CDC42EP3: variants seen among roughly 807,000 people sequenced by gnomAD.
CDC42EP3 encodes the protein CDC42 effector protein (Rho GTPase binding) 3.
In CDC42EP3, 4 loss-of-function variants were observed where a neutral mutation model predicts 15.5. The observed-to-expected ratio is 0.26, with a 90% CI of 0.13 to 0.59. CDC42EP3 has a LOEUF of 0.59. Ranked by LOEUF, CDC42EP3 falls within the 20% of genes least tolerant of loss-of-function variation. The pLI is 0.89. For missense variants in CDC42EP3, 309 were observed against 311.2 expected (o/e 0.99, Z 0.05); for synonymous variants, 145 against 130.3 (o/e 1.11, Z -0.77).
intron 1 of CDC42EP3, among the ~76,000 whole-genome samples, chr2:37,663,034 G>T (rs1415352822): frequency 6.6e-6 from 1 of 152,150 alleles, no homozygotes. Context: ...GTGTGGTGGC[G>T]GGTGCCTGTA....
At chr2:37,654,088 G>C (rs1002061262) in intron 1 of CDC42EP3, among the ~76,000 whole-genome samples, 1 of 152,146 alleles carries the variant, frequency 6.6e-6, no homozygotes, top group Non-Finnish European at 1.5e-5. Context: ...CTGCATGTTG[G>C]AACCAACAGT....
chr2:37,647,690 C>A (rs573600747), intron 1 of CDC42EP3: 1 of 152,612 alleles, frequency 6.6e-6, no homozygotes, highest in African/African-American at 2.4e-5. Flanking sequence ...TGAGTAGAAC[C>A]TGTGACTGGC....
chr2:37,656,646 C>A (rs2124624680), intron 1 of CDC42EP3, among the ~76,000 whole-genome samples: 1 of 152,322 alleles, frequency 6.6e-6, no homozygotes, highest in African/African-American at 2.4e-5. Context: ...AGTCAATCAC[C>A]CAAAATGTGG....
chr2:37,667,032 C>G (rs961978150), intron 1 of CDC42EP3, among the ~76,000 whole-genome samples: 1 of 152,130 alleles, frequency 6.6e-6, no homozygotes, highest in Non-Finnish European at 1.5e-5. Context: ...CTGTTTCCAT[C>G]TGAGAAGTCT....
At chr2:37,648,967 G>A (rs774705678) in intron 1 of CDC42EP3, among the ~76,000 whole-genome samples, 1 of 151,994 alleles carries the variant, frequency 6.6e-6, no homozygotes, top group Non-Finnish European at 1.5e-5. Context: ...GCCATGGAAA[G>A]ATACAGCGTG....
At chr2:37,650,493 T>C (rs950988375) in intron 1 of CDC42EP3, among the ~76,000 whole-genome samples, 5 of 152,228 alleles carry the variant, frequency 3.3e-5, no homozygotes, top group African/African-American at 1.2e-4. Flanking sequence ...GGCTTCTCTA[T>C]GTACCGAGCA....
At chr2:37,668,478 C>T (rs77887044) in intron 1 of CDC42EP3, among the ~76,000 whole-genome samples, 1 of 152,152 alleles carries the variant, frequency 6.6e-6, no homozygotes, top group Non-Finnish European at 1.5e-5. Context: ...AGGTAACTTG[C>T]CCAAAGTCAC....
At chr2:37,662,462 G>A (rs1666087637) in intron 1 of CDC42EP3, among the ~76,000 whole-genome samples, 1 of 152,198 alleles carries the variant, frequency 6.6e-6, no homozygotes, top group Admixed American at 6.5e-5. Context: ...TAGACCTTGG[G>A]ATCTGGCCAC....
intron 1 of CDC42EP3, among the ~76,000 whole-genome samples, chr2:37,657,183 G>A (rs1312750402): frequency 6.6e-6 from 1 of 151,994 alleles, no homozygotes; most frequent in African/African-American, 2.4e-5. Context: ...CTGAAACTAA[G>A]AACCTTGTGT....
chr2:37,657,317 A>G (rs897847636), intron 1 of CDC42EP3, among the ~76,000 whole-genome samples: 1 of 152,118 alleles, frequency 6.6e-6, no homozygotes, highest in Non-Finnish European at 1.5e-5. Flanking sequence ...CACGTAATCC[A>G]ACCTTGCTAC....
At chr2:37,661,759 G>A (rs1012776218) in intron 1 of CDC42EP3, among the ~76,000 whole-genome samples, 2 of 151,982 alleles carry the variant, frequency 1.3e-5, no homozygotes, top group African/African-American at 2.4e-5. Flanking sequence ...TATGAGAGAA[G>A]AGAAAAAACA....
intron 1 of CDC42EP3, among the ~76,000 whole-genome samples, chr2:37,671,104 A>G (rs2124643011): frequency 6.6e-6 from 1 of 152,318 alleles, no homozygotes; most frequent in Non-Finnish European, 1.5e-5. Context: ...TTGTTCTCAG[A>G]TGGAAAAATG....
intron 1 of CDC42EP3, among the ~76,000 whole-genome samples, chr2:37,663,330 C>T (rs886074371): frequency 6.6e-6 from 1 of 152,198 alleles, no homozygotes; most frequent in Non-Finnish European, 1.5e-5. Context: ...CAATGATGCA[C>T]TCCACTGTGG....
At chr2:37,649,076 T>TAAA (rs112109458) in intron 1 of CDC42EP3, among the ~76,000 whole-genome samples, 6 of 135,902 alleles carry the variant, frequency 4.4e-5, no homozygotes, top group African/African-American at 1.6e-4. Flanking sequence ...TCCAATTATT[T>TAAA]AAAAAAAAAA....
rs1192354098 is a variant in CDC42EP3 at position 37,645,480 on chromosome 2, G to A, written c.*343C>T. 1 of 182,388 alleles carries A rather than the reference G, an allele frequency of 5.5e-6. No homozygotes were observed. Among genetic ancestry groups the A allele is most frequent in the African/African-American group, 2.3e-5 (1 of 42,662 alleles). The allele number at this position is 182,388 out of a possible 1,614,324, so 11.3% of individuals were successfully genotyped here. A position where few individuals can be genotyped will look rare whatever the true frequency, so the allele number is the denominator to read the frequency against. ...TCGGAGTGCTATAAAGTTCCGTGAA[G>A]TTCCTTAATGTGACTCGCTCAGCCC... On this transcript the variant is annotated 3_prime_UTR_variant, in exon 2 of 2. Coordinates refer to ENST00000295324, the MANE Select transcript of CDC42EP3 (RefSeq NM_006449.5).
intron 1 of CDC42EP3, among the ~76,000 whole-genome samples, chr2:37,665,698 A>G (rs1416141437): frequency 6.6e-6 from 1 of 152,196 alleles, no homozygotes; most frequent in Non-Finnish European, 1.5e-5. Context: ...CGGATTCCCA[A>G]ATGTGGAAGC....
At position 37,643,256 on chromosome 2, in the gene CDC42EP3, T is replaced by C. The variant is rs1406835444; in HGVS notation, c.*2567A>G. On this transcript the variant is annotated 3_prime_UTR_variant, in exon 2 of 2. Transcript: ENST00000295324. ...ACAGCAGGTATGGGTCTAAAGTGCC[T>C]CTCTGCAGGAAAGAAAGCCACCACC... is the stretch of plus-strand genomic sequence containing the variant. 1 of 152,176 alleles carries C rather than the reference T, an allele frequency of 6.6e-6. No individual in the cohort carries two copies. The highest frequency in any genetic ancestry group is 2.1e-4 in the South Asian group (1 of 4,824). 9.4% of individuals were successfully genotyped at this position (152,176 alleles called of 1,614,324 possible).
chr2:37,654,608 C>T (rs1395777142), intron 1 of CDC42EP3, among the ~76,000 whole-genome samples: 8 of 152,066 alleles, frequency 5.3e-5, no homozygotes, highest in Admixed American at 5.2e-4. Context: ...GGTTACCCTG[C>T]GCCTCCCTGA....
chr2:37,646,391 A>G lies in CDC42EP3; in HGVS notation c.197T>C (p.Leu66Ser). 1 of 1,614,014 alleles carries G rather than the reference A, an allele frequency of 6.2e-7. No individual in the cohort carries two copies. Among genetic ancestry groups the G allele is most frequent in the Non-Finnish European group, 8.5e-7 (1 of 1,179,940 alleles). Residue 66 changes from leucine to serine, a missense_variant, in exon 2 of 2, where the codon TTA becomes TCA. Physicochemically the swap from Leu to Ser is moderately radical, Grantham distance 145. Transcript: ENST00000295324. The part of the protein sequence containing the change: ...ISFLQGNYEL[L>S]PGNQEKAHLG... ...GTGTGCTTTCTCCTGGTTTCCAGGT[A>G]AAAGCTCGTAGTTCCCTTGAAGAAA...
Sources: allele counts gnomAD v4.1 joint callset (sites outside exome capture counted in the v4.1 genomes callset), GRCh38; gene constraint gnomAD v4.1.1; transcripts MANE v1.5; gene names NCBI Gene and HGNC (gene_info 2026-07-23, HGNC 2026-07-21).